The following HRH1 variants were observed in gnomAD, a reference collection of about 807,000 sequenced individuals.
HRH1 encodes histamine receptor H1, also known as histamine H1 receptor.
A neutral mutation model predicts 10.3 loss-of-function variants in HRH1; 6 were observed. The observed-to-expected ratio is 0.58, with a 90% confidence interval of 0.32 to 1.15. The LOEUF (loss-of-function observed/expected upper bound fraction) is 1.15. Among genes scored for constraint, HRH1 ranks in the 50% most tolerant of loss-of-function variants. The pLI, the probability that HRH1 is intolerant of heterozygous loss-of-function variation, is 0.05. For missense variants in HRH1, 514 were observed against 615.3 expected (o/e 0.84, Z 1.74); for synonymous variants, 242 against 236.7 (o/e 1.02, Z -0.21).
chr3:11,157,513 G>C (rs961360420), intron 1 of HRH1, among the ~76,000 whole-genome samples: 22 of 152,160 alleles, frequency 1.4e-4, no homozygotes, highest in African/African-American at 5.3e-4. Context: ...TTATAATAAA[G>C]CTCCCATATC....
chr3:11,255,958 G>A (rs1042202868), intron 1 of HRH1, among the ~76,000 whole-genome samples: 1 of 152,304 alleles, frequency 6.6e-6, no homozygotes, highest in South Asian at 2.1e-4. Flanking sequence ...AGAAGTGACT[G>A]TGGACAATTC....
intron 1 of HRH1, among the ~76,000 whole-genome samples, chr3:11,195,744 C>G (rs921333341): frequency 6.6e-6 from 1 of 152,206 alleles, no homozygotes; most frequent in African/African-American, 2.4e-5. Flanking sequence ...CCAAAGAAAT[C>G]AAGGCAGAGC....
At chr3:11,191,153 A>G (rs138849890) in intron 1 of HRH1, among the ~76,000 whole-genome samples, 30 of 152,304 alleles carry the variant, frequency 2.0e-4, no homozygotes, top group Admixed American at 6.5e-4. Context: ...TGCTTAGGGA[A>G]TCAAAGTTCA....
chr3:11,202,918 C>T (rs1354025149), intron 1 of HRH1, among the ~76,000 whole-genome samples: 1 of 152,220 alleles, frequency 6.6e-6, no homozygotes, highest in Non-Finnish European at 1.5e-5. Flanking sequence ...CATCCCTTCC[C>T]CTGCCCAAAT....
In HRH1 at chr3:11,138,136, C is replaced by T. The variant is rs541068162; in HGVS notation, c.-36+737C>T. ...GTTCACACCATTCTCCTGCCTCAGT[C>T]TCCCAAGTAGCTGGGACTACAGGCG... On this transcript the variant is annotated intron_variant, in intron 1 of 1. Transcript: ENST00000438284. 7.9e-5 allele frequency among the ~76,000 whole-genome samples: 12 copies of T among 151,688 alleles called. No individual in the cohort carries two copies. The East Asian group carries it at 2.3e-3, about 29-fold the overall frequency.
At chr3:11,235,453 T>A (rs529318525) in intron 1 of HRH1, among the ~76,000 whole-genome samples, 4 of 152,166 alleles carry the variant, frequency 2.6e-5, no homozygotes, top group African/African-American at 9.6e-5. Context: ...TTCGCTTCTC[T>A]TGACACTTGA....
At chr3:11,210,860 T>A (rs1938305242) in intron 1 of HRH1, among the ~76,000 whole-genome samples, 1 of 151,836 alleles carries the variant, frequency 6.6e-6, no homozygotes, top group Non-Finnish European at 1.5e-5. Context: ...CAAAGACCAC[T>A]GGATCCAATA....
intron 1 of HRH1, among the ~76,000 whole-genome samples, chr3:11,198,625 G>A (rs1177855196): frequency 2.0e-5 from 3 of 151,698 alleles, no homozygotes; most frequent in Admixed American, 2.0e-4. Context: ...TAATCCCAGT[G>A]CTTTGGGAGA....
chr3:11,250,864 C>T (rs144960308), intron 1 of HRH1, among the ~76,000 whole-genome samples: 6 of 152,244 alleles, frequency 3.9e-5, no homozygotes, highest in African/African-American at 9.6e-5. Context: ...GGTTTTTCTG[C>T]GCACTCTGAA....
intron 1 of HRH1, among the ~76,000 whole-genome samples, chr3:11,214,909 A>C (rs1204669260): frequency 6.6e-6 from 1 of 152,240 alleles, no homozygotes; most frequent in Non-Finnish European, 1.5e-5. Flanking sequence ...TTAGGATGGG[A>C]GAATGGTAGG....
chr3:11,210,114 A>G (rs993723543), intron 1 of HRH1, among the ~76,000 whole-genome samples: 2 of 152,208 alleles, frequency 1.3e-5, no homozygotes, highest in African/African-American at 2.4e-5. Flanking sequence ...TAATAGGGCC[A>G]CATGCAGTGG....
chr3:11,224,197 A>G (rs1394445487), intron 1 of HRH1, among the ~76,000 whole-genome samples: 2 of 152,208 alleles, frequency 1.3e-5, no homozygotes, highest in Admixed American at 6.5e-5. Flanking sequence ...AGGCTGAATA[A>G]GACGTGGCCT....
intron 1 of HRH1, among the ~76,000 whole-genome samples, chr3:11,205,006 G>A (rs965014196): frequency 1.3e-5 from 2 of 152,202 alleles, no homozygotes; most frequent in African/African-American, 2.4e-5. Flanking sequence ...AGAGAGAAAC[G>A]TGGGGTCTGG....
chr3:11,209,710 C>T (rs531369543), intron 1 of HRH1, among the ~76,000 whole-genome samples: 2 of 152,374 alleles, frequency 1.3e-5, no homozygotes, highest in South Asian at 4.1e-4. Flanking sequence ...TTCTCGCTTG[C>T]AGGTGGCTGC....
Position 11,225,032 on chromosome 3 carries a change from G to A in HRH1, c.-35-33971G>A, listed in dbSNP as rs144385858. On this transcript the variant is annotated intron_variant, in intron 1 of 1. Transcript: ENST00000431010. ...AACGTCAAAGTGGATGCTCCACTGC[G>A]GCTGCTAAGAGCCACTCACAGGAGG... 1.2e-3 allele frequency among the ~76,000 whole-genome samples: 178 copies of A among 152,274 alleles called. No homozygotes were observed. In the East Asian group the frequency reaches 0.027, roughly 23 times the overall value.
intron 1 of HRH1, among the ~76,000 whole-genome samples, chr3:11,220,112 T>C (rs576864095): frequency 1.3e-4 from 20 of 152,300 alleles, no homozygotes; most frequent in African/African-American, 4.8e-4. Flanking sequence ...ACTCAATTAG[T>C]AATCTGGAAA....
intron 1 of HRH1, among the ~76,000 whole-genome samples, chr3:11,169,957 C>G (rs966387916): frequency 3.9e-5 from 6 of 152,220 alleles, no homozygotes; most frequent in African/African-American, 1.4e-4. Flanking sequence ...TCCCGCAACT[C>G]TCACTGTCTC....
chr3:11,188,721 AT>A (rs1937492706), intron 1 of HRH1, among the ~76,000 whole-genome samples: 1 of 152,218 alleles, frequency 6.6e-6, no homozygotes. Context: ...TTAGGTAGCT[AT>A]TAAAAGTCAC....
chr3:11,204,658 C>T (rs1481111449), intron 1 of HRH1, among the ~76,000 whole-genome samples: 1 of 152,190 alleles, frequency 6.6e-6, no homozygotes, highest in African/African-American at 2.4e-5. Flanking sequence ...GGTGCTTTAC[C>T]AGGTGCTAAC....
Sources: gnomAD v4.1 joint callset for allele counts (sites outside exome capture counted in the v4.1 genomes callset) on GRCh38, gnomAD v4.1.1 for gene constraint, MANE v1.5 for transcripts, NCBI Gene and HGNC (gene_info 2026-07-23, HGNC 2026-07-21) for gene names.